MAP2K4: variants seen among roughly 807,000 people sequenced by gnomAD.
The protein encoded by MAP2K4 is mitogen-activated protein kinase kinase 4, also known as dual specificity mitogen-activated protein kinase kinase 4.
In MAP2K4, 4 loss-of-function variants were observed where a neutral mutation model predicts 48.5. That is an observed-to-expected ratio of 0.08 (90% confidence interval 0.04 to 0.19). The LOEUF (loss-of-function observed/expected upper bound fraction) is 0.19, where lower values mean the gene tolerates loss of function less well. MAP2K4 is among the 10% of genes least tolerant of loss of function. The probability of loss-of-function intolerance (pLI) is 1.00; values close to 1 mark genes in which losing one functional copy is unlikely to be tolerated. For synonymous variants in MAP2K4, 166 were observed against 173.1 expected, an observed-to-expected ratio of 0.96 and a Z score of 0.32; for missense variants, 258 against 493.3, an observed-to-expected ratio of 0.52 and a Z score of 4.52.
In MAP2K4 at chr17:12,062,068, T is replaced by C. The variant is rs1191731912; in HGVS notation, c.218+7077T>C. On this transcript the variant is annotated intron_variant, in intron 2 of 10. Coordinates refer to ENST00000353533, the MANE Select transcript of MAP2K4 (RefSeq NM_003010.4). ...CTCAGTTCTCCCCCTCTCCCCCCCC[T>C]TTTTTTCTTTTTTTGAGTTAGCTAT... 6.5e-5 allele frequency among the ~76,000 whole-genome samples: 9 copies of C among 137,850 alleles called. No homozygotes were observed. The South Asian group carries it at 2.5e-3, about 38-fold the overall frequency. 90.4% of individuals were successfully genotyped at this position (137,850 alleles called of 152,430 possible).
At chr17:12,104,924 G>A (rs186376553) in intron 4 of MAP2K4, among the ~76,000 whole-genome samples, 519 of 152,198 alleles carry the variant, frequency 3.4e-3, no homozygotes, top group Non-Finnish European at 6.1e-3. Flanking sequence ...ATGATTTAAT[G>A]TCAGAATTTA....
intron 6 of MAP2K4, among the ~76,000 whole-genome samples, chr17:12,111,155 AGT>A (rs1159194600): frequency 6.6e-6 from 1 of 152,174 alleles, no homozygotes. Context: ...AGTAAGTGGC[AGT>A]GTGTGATTTA....
chr17:12,067,134 C>T (rs2151535954), intron 2 of MAP2K4, among the ~76,000 whole-genome samples: 1 of 152,250 alleles, frequency 6.6e-6, no homozygotes, highest in East Asian at 1.9e-4. Context: ...CATACCTATT[C>T]TTAGTTATAT....
chr17:12,051,547 T>C (rs1051402836), intron 1 of MAP2K4, among the ~76,000 whole-genome samples: 4 of 152,228 alleles, frequency 2.6e-5, no homozygotes, highest in Non-Finnish European at 5.9e-5. Flanking sequence ...TAGAAATTGA[T>C]GATATGACAG....
chr17:12,054,832 G>T, intron 1 of MAP2K4, 57 bp from the exon 2 acceptor site: 1 of 1,125,540 alleles, frequency 8.9e-7, no homozygotes, highest in East Asian at 2.4e-5. Flanking sequence ...TATGCCCTCA[G>T]AATAGTACCT....
At chr17:12,094,853 A>C (rs571020710) in intron 3 of MAP2K4, among the ~76,000 whole-genome samples, 15 of 152,174 alleles carry the variant, frequency 9.9e-5, no homozygotes, top group Non-Finnish European at 2.1e-4. Context: ...CACCTTAGGA[A>C]TAGACAAAAA....
At chr17:12,101,303 G>A (rs1971928838) in intron 4 of MAP2K4, among the ~76,000 whole-genome samples, 2 of 151,712 alleles carry the variant, frequency 1.3e-5, no homozygotes, top group South Asian at 4.1e-4. Context: ...GATATCAGTT[G>A]TCCATACAGA....
intron 7 of MAP2K4, chr17:12,115,859 A>G (rs2151579652): frequency 1.5e-6 from 1 of 679,148 alleles, no homozygotes; most frequent in South Asian, 1.4e-5. Flanking sequence ...CATGTACTGC[A>G]TCGTCGGCAC....
Position 12,081,235 on chromosome 17 carries a change from C to A in MAP2K4, c.219-121C>A. On this transcript the variant is annotated intron_variant, in intron 2 of 10. Coordinates refer to ENST00000353533, the MANE Select transcript of MAP2K4 (RefSeq NM_003010.4). This position sits in a 1 kb window ranked among gnomAD's most constrained non-coding sequence, Gnocchi z 4.2. ...GACACAAATGAAAAACTTCAAAAAC[C>A]TGGAGGTCAGACTATTTTAGTAATT... 1.5e-6 allele frequency: 1 copy of A among 677,134 alleles called. No individual in the cohort carries two copies. The highest frequency in any genetic ancestry group is 3.4e-5 in the Admixed American group (1 of 29,574). The allele number at this position is 677,134 out of a possible 1,614,324, so 41.9% of individuals were successfully genotyped here. A position where few individuals can be genotyped will look rare whatever the true frequency, so the allele number is the denominator to read the frequency against.
intron 9 of MAP2K4, among the ~76,000 whole-genome samples, chr17:12,132,138 G>A (rs965261299): frequency 1.3e-5 from 2 of 152,214 alleles, no homozygotes; most frequent in Non-Finnish European, 2.9e-5. Flanking sequence ...ACTTGTAGGA[G>A]TATAAATTAG....
intron 2 of MAP2K4, among the ~76,000 whole-genome samples, chr17:12,060,794 TTTTTC>T (rs1238589466): frequency 6.6e-6 from 1 of 152,074 alleles, no homozygotes; most frequent in Non-Finnish European, 1.5e-5. Context: ...CTGCGAATCT[TTTTTC>T]TTACTGTAGT....
Position 12,020,914 on chromosome 17 carries a change from G to GGCGGCTCCGGGGGCGGCA in MAP2K4, c.34_51dup (p.Gly14_Gly19dup), listed in dbSNP as rs1317050817. ...GGCGGCTCCGAGCCCGAGCGGCGGC[G>GGCGGCTCCGGGGGCGGCA]GCGGCTCCGGGGGCGGCAGCGGCAG... On this transcript the variant is annotated inframe_insertion, in exon 1 of 11. Transcript: ENST00000353533. 5.8e-6 allele frequency: 7 copies of GGCGGCTCCGGGGGCGGCA among 1,216,446 alleles called. No individual in the cohort carries two copies. In the African/African-American group the frequency reaches 7.9e-5, roughly 14 times the overall value. The allele number at this position is 1,216,446 out of a possible 1,614,324, so 75.4% of individuals were successfully genotyped here.
At chr17:12,137,657 G>T (rs1390245707) in intron 9 of MAP2K4, among the ~76,000 whole-genome samples, 1 of 152,132 alleles carries the variant, frequency 6.6e-6, no homozygotes, top group African/African-American at 2.4e-5. Context: ...TGGAAATAAA[G>T]AAGGCAACTC....
At chr17:12,053,106 G>A (rs1032712066) in intron 1 of MAP2K4, among the ~76,000 whole-genome samples, 7 of 152,012 alleles carry the variant, frequency 4.6e-5, no homozygotes, top group East Asian at 1.9e-4. Context: ...TTCAAGACCC[G>A]GGAGTAATCC....
At chr17:12,046,178 C>T (rs558265345) in intron 1 of MAP2K4, among the ~76,000 whole-genome samples, 31 of 152,296 alleles carry the variant, frequency 2.0e-4, no homozygotes, top group African/African-American at 7.2e-4. Flanking sequence ...AACACATTCT[C>T]TTCTCCCCTG....
intron 2 of MAP2K4, among the ~76,000 whole-genome samples, chr17:12,072,203 A>G (rs950669967): frequency 1.3e-5 from 2 of 152,256 alleles, no homozygotes; most frequent in African/African-American, 4.8e-5. Flanking sequence ...GTAAGTAAGC[A>G]GTTCCAAACT....
chr17:12,126,051 A>G (rs1490579530), intron 8 of MAP2K4, among the ~76,000 whole-genome samples: 3 of 152,098 alleles, frequency 2.0e-5, no homozygotes, highest in Non-Finnish European at 4.4e-5. Context: ...GTCTCATGAG[A>G]ACTCTATCAT....
intron 7 of MAP2K4, among the ~76,000 whole-genome samples, chr17:12,118,388 T>C (rs768247465): frequency 6.6e-6 from 1 of 152,108 alleles, no homozygotes; most frequent in South Asian, 2.1e-4. Context: ...CTTGCATCCT[T>C]CCTGTTTTCA....
chr17:12,111,375 T>C lies in MAP2K4; in HGVS notation c.685+949T>C, dbSNP rs115585808. ...TATTTAATTTTGTTTGGCTTAATGC[T>C]TGTTAGAAATAATATCTTTTTTTCT... On this transcript the variant is annotated intron_variant, in intron 6 of 10. Coordinates refer to ENST00000353533, the MANE Select transcript of MAP2K4 (RefSeq NM_003010.4). Among the ~76,000 whole-genome samples the C allele has an allele frequency of 4.1e-3, 623 of 152,310 alleles. 9 individuals are homozygous for C. Among genetic ancestry groups the C allele is most frequent in the African/African-American group, 0.014 (601 of 41,584 alleles).
Sources: allele counts gnomAD v4.1 joint callset (sites outside exome capture counted in the v4.1 genomes callset), GRCh38; gene constraint gnomAD v4.1.1; non-coding constraint Gnocchi (gnomAD v3.1); transcripts MANE v1.5; gene names NCBI Gene and HGNC (gene_info 2026-07-23, HGNC 2026-07-21).